Variants in RPS6KC1 observed in about 807,000 individuals in gnomAD.
RPS6KC1 encodes ribosomal protein S6 kinase C1.
Under a neutral mutation model 103.8 loss-of-function variants are expected in RPS6KC1, and 54 were observed. The ratio of observed to expected loss-of-function variants is 0.52; its 90% confidence interval spans 0.42 to 0.65. RPS6KC1 has a LOEUF of 0.65. Ranked by LOEUF, RPS6KC1 falls within the 30% of genes least tolerant of loss-of-function variation. The pLI is 0.00. For missense variants in RPS6KC1, 1,151 were observed against 1,253.8 expected, an observed-to-expected ratio of 0.92 and a Z score of 1.24; for synonymous variants, 439 against 438.7, an observed-to-expected ratio of 1.00 and a Z score of -0.01.
intron 8 of RPS6KC1, among the ~76,000 whole-genome samples, chr1:213,229,060 C>G (rs1462613540): frequency 6.6e-6 from 1 of 152,032 alleles, no homozygotes; most frequent in Non-Finnish European, 1.5e-5. Context: ...GGTCTTAGTA[C>G]TATAGGAGGA....
the RPS6KC1 span, among the ~76,000 whole-genome samples, chr1:213,816,019 G>C: frequency 6.6e-6 from 1 of 152,180 alleles, no homozygotes; most frequent in Admixed American, 6.5e-5. Flanking sequence ...AGCCAGAGGA[G>C]AGAGAAAGAG....
the RPS6KC1 span, among the ~76,000 whole-genome samples, chr1:213,684,904 G>T: frequency 6.6e-6 from 1 of 152,206 alleles, no homozygotes; most frequent in Non-Finnish European, 1.5e-5. Flanking sequence ...GCTGAATCCC[G>T]AAGATGTTGC....
chr1:213,502,657 T>C, the RPS6KC1 span, among the ~76,000 whole-genome samples: 4 of 152,166 alleles, frequency 2.6e-5, no homozygotes, highest in African/African-American at 9.7e-5. Flanking sequence ...TTACAATATA[T>C]TTTTAATATT....
chr1:213,635,760 T>G, the RPS6KC1 span, among the ~76,000 whole-genome samples: 11 of 152,216 alleles, frequency 7.2e-5, no homozygotes, highest in Non-Finnish European at 1.5e-4. Context: ...TGTTGGAAGT[T>G]CTGGCCAGGG....
At chr1:213,580,541 T>A in the RPS6KC1 span, among the ~76,000 whole-genome samples, 1 of 152,066 alleles carries the variant, frequency 6.6e-6, no homozygotes, top group Non-Finnish European at 1.5e-5. Context: ...CTACTGTGGG[T>A]AAAATGCTAT....
chr1:213,641,785 A>T, the RPS6KC1 span, among the ~76,000 whole-genome samples: 1 of 151,804 alleles, frequency 6.6e-6, no homozygotes, highest in Non-Finnish European at 1.5e-5. Context: ...AGGCAAAGTG[A>T]TAGAAGGACA....
the RPS6KC1 span, among the ~76,000 whole-genome samples, chr1:213,325,644 C>T: frequency 6.6e-6 from 1 of 150,756 alleles, no homozygotes; most frequent in African/African-American, 2.5e-5. Context: ...TTCCCCACCA[C>T]TTCCGCTTCT....
the RPS6KC1 span, among the ~76,000 whole-genome samples, chr1:213,610,046 A>G: frequency 6.6e-6 from 1 of 152,170 alleles, no homozygotes; most frequent in Non-Finnish European, 1.5e-5. Flanking sequence ...ATCTTCGAGT[A>G]CGGTTTTACA....
rs76987106 is a variant in RPS6KC1, at chr1:213,241,502, G to C, written c.2026G>C (p.Ala676Pro). The C allele has an allele frequency of 2.5e-6, 4 of 1,613,970 alleles. No homozygotes were observed. Among genetic ancestry groups the C allele is most frequent in the Middle Eastern group, 1.7e-4 (1 of 6,060 alleles). ...AGTGCCAGTTATTTCATTTAAAGAT[G>C]CTGCTTTTGATGATGTCAGTGGTAC... ...DSVPVISFKD[A>P]AFDDVSGTDE... Residue 676 changes from alanine to proline, a missense_variant, in exon 11 of 15, where the codon GCT becomes CCT. By Grantham distance (27) the Ala-to-Pro change is conservative. Transcript: ENST00000366960.
chr1:213,749,459 G>T, the RPS6KC1 span, among the ~76,000 whole-genome samples: 3,400 of 152,278 alleles, frequency 0.022, 132 homozygotes, highest in African/African-American at 0.077. Flanking sequence ...GGTAGCCAAA[G>T]ACTGGGGCAT....
At chr1:213,544,179 G>T in the RPS6KC1 span, among the ~76,000 whole-genome samples, 2 of 152,156 alleles carry the variant, frequency 1.3e-5, no homozygotes, top group Non-Finnish European at 2.9e-5. Flanking sequence ...AAGGATGGAA[G>T]GACTGACCTG....
the RPS6KC1 span, among the ~76,000 whole-genome samples, chr1:213,460,663 A>G: frequency 6.6e-6 from 1 of 152,022 alleles, no homozygotes; most frequent in East Asian, 1.9e-4. Context: ...CCATTAGTTG[A>G]TGCAGTTTCT....
the RPS6KC1 span, among the ~76,000 whole-genome samples, chr1:213,663,424 A>G: frequency 6.6e-6 from 1 of 152,146 alleles, no homozygotes; most frequent in Non-Finnish European, 1.5e-5. Flanking sequence ...GGAATTGAGA[A>G]CTCATCAGGT....
intron 8 of RPS6KC1, among the ~76,000 whole-genome samples, chr1:213,187,397 A>G (rs978718966): frequency 1.3e-5 from 2 of 151,522 alleles, no homozygotes; most frequent in East Asian, 1.9e-4. Flanking sequence ...GACATGCGCC[A>G]CTATGCCTGG....
chr1:213,291,604 C>A, the RPS6KC1 span, among the ~76,000 whole-genome samples: 33 of 152,322 alleles, frequency 2.2e-4, 1 homozygote, highest in Admixed American at 2.0e-3. Context: ...GGGGAGGAAT[C>A]TGCACTGAAA....
At chr1:213,363,727 G>T in the RPS6KC1 span, among the ~76,000 whole-genome samples, 1,984 of 39,758 alleles carry the variant, frequency 0.05, 180 homozygotes, top group East Asian at 0.26. Context: ...TCTTTCTTTC[G>T]TTCTTTCTTT....
chr1:213,548,786 G>T, the RPS6KC1 span, among the ~76,000 whole-genome samples: 1 of 152,140 alleles, frequency 6.6e-6, no homozygotes, highest in Non-Finnish European at 1.5e-5. Flanking sequence ...TCTATATGGT[G>T]GGCTCATGGG....
At chr1:213,197,266 G>T (rs892679415) in intron 8 of RPS6KC1, among the ~76,000 whole-genome samples, 1 of 152,104 alleles carries the variant, frequency 6.6e-6, no homozygotes, top group Non-Finnish European at 1.5e-5. Flanking sequence ...GGCTATGTGA[G>T]CTCTTTTTTG....
the RPS6KC1 span, among the ~76,000 whole-genome samples, chr1:213,526,184 G>A: frequency 5.9e-5 from 9 of 152,168 alleles, no homozygotes; most frequent in South Asian, 2.1e-4. Context: ...AGATGTAAAC[G>A]TGTGATCGAT....
Sources: gnomAD v4.1 joint callset for allele counts (sites outside exome capture counted in the v4.1 genomes callset) on GRCh38, gnomAD v4.1.1 for gene constraint, MANE v1.5 for transcripts, NCBI Gene and HGNC (gene_info 2026-07-23, HGNC 2026-07-21) for gene names.